The following LAMB1 variants were observed in gnomAD, a reference collection of about 807,000 sequenced individuals.
LAMB1 encodes the protein laminin subunit beta-1.
In LAMB1, 121 loss-of-function variants were observed where a neutral mutation model predicts 222.3. That is an observed-to-expected ratio of 0.54 (90% confidence interval 0.47 to 0.63). The LOEUF (loss-of-function observed/expected upper bound fraction) is 0.63. Ranked by LOEUF, LAMB1 falls within the 30% of genes least tolerant of loss-of-function variation. LAMB1 has a pLI of 0.00. For missense variants in LAMB1, 2,172 were observed against 2,240.8 expected (o/e 0.97, Z 0.62); for synonymous variants, 794 against 807.2 (o/e 0.98, Z 0.28).
chr7:107,937,325 G>A, intron 25 of LAMB1, 48 bp from the exon 26 acceptor site: 3 of 1,464,136 alleles, frequency 2.0e-6, no homozygotes, highest in Non-Finnish European at 2.8e-6. Context: ...ACCCAAGGGA[G>A]AACTTTCACG....
chr7:107,960,562 T>C lies in LAMB1; in HGVS notation c.2197A>G (p.Thr733Ala), dbSNP rs138423501. The change falls in exon 18 of 34, where the codon ACC (threonine) becomes GCC (alanine). Residue 733 changes from threonine to alanine, a missense_variant. Coordinates refer to ENST00000222399, the MANE Select transcript of LAMB1 (RefSeq NM_002291.3). ...TCTAGACATCGGTATCTCTGAAAGG[T>C]TTCCCAGGCACTGTTGGTGACCACC... is the stretch of plus-strand genomic sequence containing the variant. The part of the protein sequence containing the change: ...DGVVTNSAWE[T>A]FQRYRCLENS... 2.5e-6 allele frequency: 4 copies of C among 1,614,080 alleles called. No individual in the cohort carries two copies. The highest frequency in any genetic ancestry group is 1.3e-5 in the African/African-American group (1 of 74,936).
intron 22 of LAMB1, among the ~76,000 whole-genome samples, chr7:107,952,782 G>A (rs2033286162): frequency 6.6e-6 from 1 of 152,124 alleles, no homozygotes; most frequent in Non-Finnish European, 1.5e-5. Context: ...AAATAAAGAG[G>A]TCCAAAAGAG....
intron 24 of LAMB1, chr7:107,942,378 A>G (rs2033011449): frequency 6.6e-6 from 1 of 152,012 alleles, no homozygotes; most frequent in South Asian, 2.1e-4. Flanking sequence ...CATCCTTTCA[A>G]CCCAGAGGTG....
At chr7:107,994,414 G>A (rs192354938) in intron 5 of LAMB1, among the ~76,000 whole-genome samples, 7 of 152,214 alleles carry the variant, frequency 4.6e-5, no homozygotes, top group Admixed American at 2.0e-4. Context: ...AGCACAAGTC[G>A]AATGATTCTT....
chr7:107,962,454 C>A (rs2033526295), intron 15 of LAMB1, among the ~76,000 whole-genome samples: 1 of 152,206 alleles, frequency 6.6e-6, no homozygotes, highest in Non-Finnish European at 1.5e-5. Context: ...TGGCTCACGC[C>A]TGTAATCCCA....
intron 15 of LAMB1, 72 bp downstream of exon 15, chr7:107,962,833 C>A (rs1562991835): frequency 1.6e-6 from 2 of 1,253,296 alleles, no homozygotes; most frequent in Non-Finnish European, 2.3e-6. Context: ...ATATATAATA[C>A]CCATTAGAAG....
At chr7:107,960,701 T>C in intron 17 of LAMB1, 52 bp from the exon 18 acceptor site, 1 of 1,519,516 alleles carries the variant, frequency 6.6e-7, no homozygotes, top group Non-Finnish European at 9.1e-7. Flanking sequence ...CCCCATGGCA[T>C]GGGTTTAAGC....
rs767378528 is a variant in LAMB1 at position 107,961,339 on chromosome 7, A to G, written c.1986-10T>C. The G allele has an allele frequency of 1.9e-6, 3 of 1,611,612 alleles. No individual in the cohort carries two copies. The highest frequency in any genetic ancestry group is 2.5e-6 in the Non-Finnish European group (3 of 1,179,444). On this transcript the variant is annotated splice_polypyrimidine_tract_variant and intron_variant, in intron 16 of 33. Transcript: ENST00000222399. Reference sequence around the variant, plus strand: ...AGGAAGGACGACATATCTGCCCCCAAACAAAAAAGAAAGACAACAACGAAA... The same window carrying G: ...AGGAAGGACGACATATCTGCCCCCAGACAAAAAAGAAAGACAACAACGAAA...
chr7:107,955,664 C>T, intron 20 of LAMB1, 34 bp from the exon 21 acceptor site: 1 of 1,570,136 alleles, frequency 6.4e-7, no homozygotes, highest in Non-Finnish European at 8.6e-7. Flanking sequence ...AGGCCATGAC[C>T]CCACAGTTCT....
At chr7:108,001,492 C>T in intron 3 of LAMB1, 66 bp downstream of exon 3, 1 of 1,474,274 alleles carries the variant, frequency 6.8e-7, no homozygotes, top group African/African-American at 1.4e-5. Context: ...GTCCCCAGGG[C>T]CTGCCCCTTA....
At chr7:107,954,461 C>CA (rs976489023) in intron 21 of LAMB1, among the ~76,000 whole-genome samples, 2 of 151,842 alleles carry the variant, frequency 1.3e-5, no homozygotes, top group African/African-American at 4.8e-5. Context: ...TGAGCCACCA[C>CA]ACCCAGCCTA....
chr7:107,953,797 A>C, intron 21 of LAMB1, 43 bp from the exon 22 acceptor site: 1 of 1,560,116 alleles, frequency 6.4e-7, no homozygotes, highest in South Asian at 1.1e-5. Context: ...TAGCTTATTG[A>C]CTGAAAGCTC....
Position 107,990,875 on chromosome 7 carries a change from T to C in LAMB1, c.423+4012A>G, listed in dbSNP as rs945528266. Among the ~76,000 whole-genome samples the C allele has an allele frequency of 2.0e-5, 3 of 152,108 alleles. No homozygotes were observed. In the East Asian group the frequency reaches 5.8e-4, roughly 29 times the overall value. On this transcript the variant is annotated intron_variant, in intron 5 of 33. Coordinates refer to ENST00000222399, the MANE Select transcript of LAMB1 (RefSeq NM_002291.3). ...GGACTCCTGGGTTGCAGGAAAAGGCTCCCTCCTACTTAAGAATCACAGCCA... is the reference window on the plus strand; with the variant it reads ...GGACTCCTGGGTTGCAGGAAAAGGCCCCCTCCTACTTAAGAATCACAGCCA...
At chr7:107,933,225 T>C (rs1345961656) in intron 27 of LAMB1, among the ~76,000 whole-genome samples, 3 of 152,090 alleles carry the variant, frequency 2.0e-5, no homozygotes, top group Non-Finnish European at 2.9e-5. Context: ...AGGGAGAAAA[T>C]TGCATTTAGA....
intron 8 of LAMB1, among the ~76,000 whole-genome samples, chr7:107,978,378 A>G (rs1187506448): frequency 6.6e-6 from 1 of 151,968 alleles, no homozygotes; most frequent in Non-Finnish European, 1.5e-5. Context: ...GAATGTTCCT[A>G]TTACATAGTG....
chr7:108,000,491 G>A (rs1252005397), intron 3 of LAMB1, among the ~76,000 whole-genome samples: 2 of 152,210 alleles, frequency 1.3e-5, no homozygotes, highest in African/African-American at 4.8e-5. Context: ...AACTTGCCCC[G>A]AATGTGAAAC....
chr7:107,928,393 CCTT>C (rs1377844718), intron 31 of LAMB1, among the ~76,000 whole-genome samples: 1 of 152,138 alleles, frequency 6.6e-6, no homozygotes, highest in Non-Finnish European at 1.5e-5. Flanking sequence ...GAGACATTGG[CCTT>C]CTTAACCAGA....
chr7:107,994,840 C>G (rs2034253462), intron 5 of LAMB1, 47 bp downstream of exon 5: 1 of 1,054,278 alleles, frequency 9.5e-7, no homozygotes, highest in Non-Finnish European at 1.5e-6. Context: ...GGGGACATTA[C>G]ACAGTGCTCT....
At chr7:107,988,119 G>A (rs2034113906) in intron 5 of LAMB1, among the ~76,000 whole-genome samples, 1 of 152,214 alleles carries the variant, frequency 6.6e-6, no homozygotes, top group Non-Finnish European at 1.5e-5. Flanking sequence ...TGACCACTCT[G>A]AAAATTTAGT....
Sources: gnomAD v4.1 joint callset for allele counts (sites outside exome capture counted in the v4.1 genomes callset) on GRCh38, gnomAD v4.1.1 for gene constraint, MANE v1.5 for transcripts, NCBI Gene and HGNC (gene_info 2026-07-23, HGNC 2026-07-21) for gene names.